Variants in TENM3 observed in about 807,000 individuals in gnomAD.
The protein encoded by TENM3 is teneurin-3.
TENM3 carries 63 observed loss-of-function variants against 255.1 expected under a neutral mutation model. The observed-to-expected ratio is 0.25, with a 90% CI of 0.20 to 0.30. The LOEUF (loss-of-function observed/expected upper bound fraction) is 0.30, where lower values mean the gene tolerates loss of function less well. Among genes scored for constraint, TENM3 ranks in the 10% least tolerant of loss-of-function variants. The pLI, the probability that TENM3 is intolerant of heterozygous loss-of-function variation, is 1.00. For synonymous variants in TENM3, 1,306 were observed against 1,322.3 expected, an observed-to-expected ratio of 0.99 and a Z score of 0.27; for missense variants, 2,929 against 3,461.1, an observed-to-expected ratio of 0.85 and a Z score of 3.86.
At chr4:181,573,328 T>A in the TENM3 span, among the ~76,000 whole-genome samples, 4 of 152,206 alleles carry the variant, frequency 2.6e-5, no homozygotes, top group African/African-American at 9.6e-5. Flanking sequence ...CTATTCTCCA[T>A]AGTAGCTCTA....
At chr4:182,477,258 C>A (rs971537856) in intron 3 of TENM3, among the ~76,000 whole-genome samples, 4 of 152,044 alleles carry the variant, frequency 2.6e-5, no homozygotes, top group Non-Finnish European at 5.9e-5. Flanking sequence ...GGGATTGTTA[C>A]CTTGGGTAGA....
At chr4:182,041,260 C>T in the TENM3 span, among the ~76,000 whole-genome samples, 2 of 152,108 alleles carry the variant, frequency 1.3e-5, no homozygotes, top group Admixed American at 6.6e-5. Flanking sequence ...TAACCTTGAT[C>T]TAATTCCTAT....
the TENM3 span, among the ~76,000 whole-genome samples, chr4:182,082,016 AT>A: frequency 1.3e-5 from 2 of 152,188 alleles, no homozygotes; most frequent in Admixed American, 6.5e-5. Flanking sequence ...GGGGAACATA[AT>A]TTTACTTGCT....
At chr4:182,461,957 C>T (rs1390987210) in intron 3 of TENM3, among the ~76,000 whole-genome samples, 2 of 152,132 alleles carry the variant, frequency 1.3e-5, no homozygotes, top group African/African-American at 4.8e-5. Flanking sequence ...ATTAGCGTGG[C>T]TTTTTCTTTG....
the TENM3 span, among the ~76,000 whole-genome samples, chr4:181,913,424 T>G: frequency 1.3e-5 from 2 of 152,134 alleles, no homozygotes; most frequent in African/African-American, 4.8e-5. Flanking sequence ...GATGGAGCAA[T>G]GGCGAGAGCA....
At chr4:182,475,940 A>C (rs1733650289) in intron 3 of TENM3, among the ~76,000 whole-genome samples, 2 of 152,232 alleles carry the variant, frequency 1.3e-5, no homozygotes, top group African/African-American at 4.8e-5. Context: ...TCTGTGTTCC[A>C]GTCTCTCTCG....
the TENM3 span, among the ~76,000 whole-genome samples, chr4:181,969,605 C>T: frequency 6.6e-6 from 1 of 152,164 alleles, no homozygotes; most frequent in African/African-American, 2.4e-5. Context: ...AGAATGTAAA[C>T]AAATGCAAAT....
At chr4:182,787,264 T>C (rs942050020) in intron 24 of TENM3, among the ~76,000 whole-genome samples, 1 of 152,164 alleles carries the variant, frequency 6.6e-6, no homozygotes, top group African/African-American at 2.4e-5. Flanking sequence ...CCTCTTTATT[T>C]ACAGATGGAC....
intron 12 of TENM3, among the ~76,000 whole-genome samples, chr4:182,697,733 G>A (rs575410001): frequency 5.3e-5 from 8 of 152,200 alleles, no homozygotes; most frequent in African/African-American, 1.7e-4. Context: ...AGTTTCTTCA[G>A]TTAACAGTTT....
chr4:181,881,734 A>C, the TENM3 span, among the ~76,000 whole-genome samples: 441 of 152,250 alleles, frequency 2.9e-3, 5 homozygotes, highest in African/African-American at 0.01. Context: ...AATTCCAAAA[A>C]CAAAAAGTGC....
chr4:181,850,895 C>A, the TENM3 span, among the ~76,000 whole-genome samples: 1 of 152,110 alleles, frequency 6.6e-6, no homozygotes, highest in Non-Finnish European at 1.5e-5. Flanking sequence ...TCACTCCATT[C>A]CACACGTCCA....
At chr4:182,197,708 C>T (rs1753918095) in intron 1 of TENM3, among the ~76,000 whole-genome samples, 1 of 152,170 alleles carries the variant, frequency 6.6e-6, no homozygotes, top group African/African-American at 2.4e-5. Flanking sequence ...AGAGCAGCTA[C>T]CTAGTTGCAT....
At chr4:181,610,618 A>T in the TENM3 span, among the ~76,000 whole-genome samples, 2,908 of 152,282 alleles carry the variant, frequency 0.019, 38 homozygotes, top group East Asian at 0.038. Context: ...GATGTGACAC[A>T]ATGACTAACC....
chr4:182,021,100 A>G, the TENM3 span, among the ~76,000 whole-genome samples: 1 of 152,072 alleles, frequency 6.6e-6, no homozygotes. Flanking sequence ...AGTGTCTACT[A>G]TTCCCATCTT....
chr4:182,651,803 G>A (rs1309178850), intron 5 of TENM3, among the ~76,000 whole-genome samples: 1 of 145,348 alleles, frequency 6.9e-6, no homozygotes, highest in Non-Finnish European at 1.5e-5. Context: ...GGTAGATGTC[G>A]CTATCTACCT....
chr4:181,574,500 C>T, the TENM3 span, among the ~76,000 whole-genome samples: 12 of 150,410 alleles, frequency 8.0e-5, no homozygotes, highest in South Asian at 2.3e-3. Context: ...CACTGCAGTC[C>T]GCAGTCCGGC....
chr4:182,043,670 T>C, the TENM3 span, among the ~76,000 whole-genome samples: 1 of 152,140 alleles, frequency 6.6e-6, no homozygotes, highest in Non-Finnish European at 1.5e-5. Flanking sequence ...ATCCGGGGAA[T>C]TGGGTGCACA....
chr4:182,269,983 G>T (rs1287956149), intron 1 of TENM3, among the ~76,000 whole-genome samples: 1 of 152,176 alleles, frequency 6.6e-6, no homozygotes, highest in South Asian at 2.1e-4. Context: ...GGGATAAGGA[G>T]CATTGGGGGC....
rs1314530869 is a variant in TENM3 at position 182,161,957 on chromosome 4, GTGTATATATATATATATA to G, written c.-76+17205_-76+17222del. ...CACATATATATATTTGTGTGTGTGT[GTGTATATATATATATATA>G]TATATATATATATATATATATGATG... is the stretch of plus-strand genomic sequence containing the variant. On this transcript the variant is annotated intron_variant, in intron 1 of 2. Transcript: ENST00000512480. Among the ~76,000 whole-genome samples the G allele has an allele frequency of 8.5e-4, 38 of 44,760 alleles. 1 individual carries two copies. The highest frequency in any genetic ancestry group is 1.0e-3 in the Non-Finnish European group (26 of 25,216). 29.4% of individuals were successfully genotyped at this position (44,760 alleles called of 152,430 possible).
Sources: allele counts gnomAD v4.1 joint callset (sites outside exome capture counted in the v4.1 genomes callset), GRCh38; gene constraint gnomAD v4.1.1; transcripts MANE v1.5; gene names NCBI Gene and HGNC (gene_info 2026-07-23, HGNC 2026-07-21).